The following ATG7 variants were observed in gnomAD, a reference collection of about 807,000 sequenced individuals.
ATG7 encodes autophagy related 7, also known as ubiquitin-like modifier-activating enzyme ATG7.
A neutral mutation model predicts 82.4 loss-of-function variants in ATG7; 70 were observed. The ratio of observed to expected loss-of-function variants is 0.85; its 90% CI spans 0.70 to 1.04. ATG7 has a LOEUF of 1.04. ATG7 is among the 50% of genes least tolerant of loss of function. The pLI, the probability that ATG7 is intolerant of heterozygous loss-of-function variation, is 0.00. For missense variants in ATG7, 792 were observed against 864.3 expected (o/e 0.92, Z 1.05); for synonymous variants, 287 against 313.0 (o/e 0.92, Z 0.88).
chr3:11,293,997 G>A (rs1286060746), intron 3 of ATG7, among the ~76,000 whole-genome samples: 5 of 138,476 alleles, frequency 3.6e-5, no homozygotes, highest in East Asian at 2.1e-4. Flanking sequence ...CAGCCTGGGC[G>A]ACAGAGCAGG....
chr3:11,334,878 AC>A (rs201868294), intron 11 of ATG7, among the ~76,000 whole-genome samples: 5,675 of 147,450 alleles, frequency 0.038, 118 homozygotes, highest in African/African-American at 0.052. Context: ...AATCGCTTGA[AC>A]CTGGGAGGTG....
At chr3:11,473,942 C>T (rs921110134) in intron 20 of ATG7, among the ~76,000 whole-genome samples, 3 of 152,194 alleles carry the variant, frequency 2.0e-5, no homozygotes, top group Non-Finnish European at 2.9e-5. Flanking sequence ...TTGTAGATCC[C>T]GTGAACTCCC....
chr3:11,360,146 A>G, intron 15 of ATG7, among the ~76,000 whole-genome samples: 1 of 152,234 alleles, frequency 6.6e-6, no homozygotes, highest in East Asian at 1.9e-4. Flanking sequence ...CCCAGGTTCA[A>G]GCATTTCTCA....
At chr3:11,335,948 C>G (rs1334705311) in intron 11 of ATG7, among the ~76,000 whole-genome samples, 5 of 151,764 alleles carry the variant, frequency 3.3e-5, no homozygotes, top group Non-Finnish European at 7.4e-5. Flanking sequence ...CCACCCGCCT[C>G]GGCCTCCCAA....
At chr3:11,558,816 A>AGGT, downstream of ATG7, 3 of 1,610,862 alleles carry the variant, frequency 1.9e-6, no homozygotes, top group Non-Finnish European at 2.5e-6. Context: ...ACGGGGTCAC[A>AGGT]GGTGGTGGCA....
chr3:11,482,627 T>A (rs993265459), intron 20 of ATG7, among the ~76,000 whole-genome samples: 1 of 152,086 alleles, frequency 6.6e-6, no homozygotes, highest in Non-Finnish European at 1.5e-5. Flanking sequence ...TGATAGGTGG[T>A]GTAATTGATC....
chr3:11,295,732 T>C (rs1945767255), intron 3 of ATG7, among the ~76,000 whole-genome samples: 1 of 152,210 alleles, frequency 6.6e-6, no homozygotes, highest in East Asian at 1.9e-4. Flanking sequence ...GTGTTCCAAC[T>C]ACAGCTTTCT....
chr3:11,402,290 G>T (rs1274411418), intron 19 of ATG7, among the ~76,000 whole-genome samples: 2 of 152,168 alleles, frequency 1.3e-5, no homozygotes, highest in African/African-American at 4.8e-5. Flanking sequence ...AAATTAGCTG[G>T]GGTGTAGTGG....
intron 20 of ATG7, among the ~76,000 whole-genome samples, chr3:11,455,697 C>T (rs186426200): frequency 6.6e-5 from 10 of 152,242 alleles, no homozygotes; most frequent in Admixed American, 6.5e-4. Flanking sequence ...AGAGTTAGCC[C>T]GAGCTGGCCA....
chr3:11,548,251 C>T (rs1402450795), intron 20 of ATG7, among the ~76,000 whole-genome samples: 5 of 152,140 alleles, frequency 3.3e-5, no homozygotes, highest in Non-Finnish European at 7.3e-5. Flanking sequence ...GTTGCCCAGG[C>T]TGGTCTCAAA....
chr3:11,300,182 C>T (rs1946570235), intron 5 of ATG7, among the ~76,000 whole-genome samples: 1 of 152,166 alleles, frequency 6.6e-6, no homozygotes, highest in Non-Finnish European at 1.5e-5. Context: ...CTGCCTTGGC[C>T]TCCCAAAGTG....
intron 3 of ATG7, among the ~76,000 whole-genome samples, chr3:11,284,825 C>A (rs1943679573): frequency 6.8e-6 from 1 of 146,560 alleles, no homozygotes; most frequent in African/African-American, 2.5e-5. Context: ...GCTAGGATTA[C>A]AAGTGTGAGC....
chr3:11,472,052 C>A (rs1465721792), intron 20 of ATG7, among the ~76,000 whole-genome samples: 1 of 152,056 alleles, frequency 6.6e-6, no homozygotes, highest in Non-Finnish European at 1.5e-5. Flanking sequence ...CAGATAATTT[C>A]TTCAAGATTA....
intron 20 of ATG7, among the ~76,000 whole-genome samples, chr3:11,525,357 TTAAC>T (rs1254892528): frequency 1.3e-5 from 2 of 151,324 alleles, no homozygotes; most frequent in Admixed American, 6.6e-5. Context: ...ATTTATTTAT[TTAAC>T]TATTCCTTGA....
At chr3:11,515,842 C>A (rs2092261642) in intron 20 of ATG7, among the ~76,000 whole-genome samples, 1 of 152,048 alleles carries the variant, frequency 6.6e-6, no homozygotes, top group South Asian at 2.1e-4. Context: ...TAAAGACAGT[C>A]TAAACCACAA....
chr3:11,284,102 GT>G (rs947511628), intron 3 of ATG7, among the ~76,000 whole-genome samples: 1 of 151,974 alleles, frequency 6.6e-6, no homozygotes, highest in Non-Finnish European at 1.5e-5. Context: ...TTTTGTTTTT[GT>G]TTTTTTCTCT....
chr3:11,493,832 G>C (rs902846340), intron 20 of ATG7, among the ~76,000 whole-genome samples: 1 of 152,210 alleles, frequency 6.6e-6, no homozygotes, highest in East Asian at 1.9e-4. Context: ...TCGGTACCAA[G>C]TTAAACTTCT....
chr3:11,340,865 T>G (rs1409317289), intron 12 of ATG7, 130 bp downstream of exon 12: 29 of 701,550 alleles, frequency 4.1e-5, no homozygotes, highest in Non-Finnish European at 6.2e-5. Flanking sequence ...TGTGTTACTC[T>G]GCTCTTCAAT....
At chr3:11,518,667 G>C (rs78779519) in intron 20 of ATG7, among the ~76,000 whole-genome samples, 1,774 of 152,290 alleles carry the variant, frequency 0.012, 34 homozygotes, top group African/African-American at 0.04. Flanking sequence ...TGGACATCTG[G>C]GAGTTGCTGG....
Sources: gnomAD v4.1 joint callset for allele counts (sites outside exome capture counted in the v4.1 genomes callset) on GRCh38, gnomAD v4.1.1 for gene constraint, MANE v1.5 for transcripts, NCBI Gene and HGNC (gene_info 2026-07-23, HGNC 2026-07-21) for gene names.